The following PI4K2B variants were observed in gnomAD, a reference collection of about 807,000 sequenced individuals.
PI4K2B encodes phosphatidylinositol 4-kinase type 2 beta.
PI4K2B carries 46 observed loss-of-function variants against 56.6 expected under a neutral mutation model. The ratio of observed to expected loss-of-function variants is 0.81; its 90% CI spans 0.64 to 1.04. PI4K2B has a LOEUF of 1.04. Ranked by LOEUF, PI4K2B falls within the 50% of genes least tolerant of loss-of-function variation. The pLI is 0.00. For synonymous variants in PI4K2B, 211 were observed against 223.8 expected (o/e 0.94, Z 0.51); for missense variants, 556 against 607.7 (o/e 0.91, Z 0.89).
intron 3 of PI4K2B, among the ~76,000 whole-genome samples, chr4:25,255,968 G>C (rs1716249222): frequency 6.7e-6 from 1 of 149,744 alleles, no homozygotes; most frequent in African/African-American, 2.5e-5. Flanking sequence ...GCCCAGGCTG[G>C]AGTATAGGGA....
chr4:25,243,468 G>C (rs373220108), intron 1 of PI4K2B, among the ~76,000 whole-genome samples: 1 of 152,218 alleles, frequency 6.6e-6, no homozygotes, highest in Non-Finnish European at 1.5e-5. Context: ...TGAGGGCCAT[G>C]ACTAAGGCTG....
chr4:25,277,321 T>C lies in PI4K2B; in HGVS notation c.*134T>C. 9.2e-7 allele frequency: 1 copy of C among 1,086,086 alleles called. No individual in the cohort carries two copies. Among genetic ancestry groups the C allele is most frequent in the South Asian group, 2.8e-5 (1 of 35,562 alleles). 67.3% of individuals were successfully genotyped at this position (1,086,086 alleles called of 1,614,324 possible). On this transcript the variant is annotated 3_prime_UTR_variant, in exon 10 of 10. Transcript: ENST00000264864. ...AGTCTTTAAAAGGTTGTATTTTGAA[T>C]GTAACCAAAAGTTTACAGTTTTTTG...
At chr4:25,263,344 G>A (rs1288565868) in intron 6 of PI4K2B, among the ~76,000 whole-genome samples, 2 of 151,868 alleles carry the variant, frequency 1.3e-5, no homozygotes, top group African/African-American at 2.4e-5. Flanking sequence ...ATTTCTTTGG[G>A]ACCCTAAGAA....
In PI4K2B at chr4:25,253,341, A is replaced by T. The variant is rs1013139871; in HGVS notation, c.423+866A>T. On this transcript the variant is annotated intron_variant, in intron 2 of 9. Coordinates refer to ENST00000264864, the MANE Select transcript of PI4K2B (RefSeq NM_018323.4). ...CCACTTAGTCTAGAATTTTTCAAAA[A>T]TATGTTATTTTTTCTAAAAGCTTTC... Among the ~76,000 whole-genome samples the T allele has an allele frequency of 2.0e-5, 3 of 152,214 alleles. 1 individual carries two copies. In the South Asian group the frequency reaches 6.2e-4, roughly 32 times the overall value.
intron 2 of PI4K2B, among the ~76,000 whole-genome samples, chr4:25,253,527 A>G (rs933562065): frequency 6.6e-6 from 1 of 152,098 alleles, no homozygotes; most frequent in African/African-American, 2.4e-5. Flanking sequence ...CAATCTCTCA[A>G]TCTTTATTCT....
chr4:25,268,595 T>A lies in PI4K2B; in HGVS notation c.1212+19T>A, dbSNP rs778599082. On this transcript the variant is annotated intron_variant, in intron 8 of 9. Coordinates refer to ENST00000264864, the MANE Select transcript of PI4K2B (RefSeq NM_018323.4). Reference sequence around the variant, plus strand: ...TTTTAAGGTAAGTTAATGCTTAGTTTGATTATTGCAGAAAATGAAATCTTA... The same window carrying A: ...TTTTAAGGTAAGTTAATGCTTAGTTAGATTATTGCAGAAAATGAAATCTTA... 1 of 1,495,598 alleles carries A rather than the reference T, an allele frequency of 6.7e-7. No individual in the cohort carries two copies. The highest frequency in any genetic ancestry group is 1.3e-5 in the South Asian group (1 of 79,558). The allele number at this position is 1,495,598 out of a possible 1,614,324, so 92.6% of individuals were successfully genotyped here.
chr4:25,272,061 G>C (rs1447288430), intron 9 of PI4K2B, among the ~76,000 whole-genome samples: 1 of 151,530 alleles, frequency 6.6e-6, no homozygotes, highest in Non-Finnish European at 1.5e-5. Flanking sequence ...AGGATCACTT[G>C]AGCCCCAGAG....
intron 1 of PI4K2B, among the ~76,000 whole-genome samples, chr4:25,249,099 G>A (rs1235689562): frequency 2.0e-5 from 3 of 152,198 alleles, no homozygotes; most frequent in African/African-American, 7.2e-5. Context: ...AGTGGACACA[G>A]CACATGTTTC....
At position 25,259,107 on chromosome 4, in the gene PI4K2B, A is replaced by G. The variant is rs777853464; in HGVS notation, c.827A>G (p.Asp276Gly). 3 of 1,586,544 alleles carry G rather than the reference A, an allele frequency of 1.9e-6. No homozygotes were observed. Among genetic ancestry groups the G allele is most frequent in the Non-Finnish European group, 2.6e-6 (3 of 1,155,362 alleles). ...TATTGGCTTAGGAAATTTGAAGCTG[A>G]CCCTTTGCCTGAGAATATTAGAAAA... is the stretch of plus-strand genomic sequence containing the variant. ...AEYWLRKFEADPLPENIRKQF... is the reference protein window; with the variant it reads ...AEYWLRKFEAGPLPENIRKQF... Residue 276 changes from aspartate (D) to glycine (G), a missense_variant, in exon 5 of 10, where the codon GAC becomes GGC. Physicochemically the swap from Asp to Gly is moderately conservative, Grantham distance 94. Transcript: ENST00000264864.
intron 6 of PI4K2B, among the ~76,000 whole-genome samples, chr4:25,262,577 G>T (rs892381219): frequency 1.3e-5 from 2 of 152,016 alleles, no homozygotes; most frequent in African/African-American, 4.8e-5. Context: ...TTTTGTTATT[G>T]TATCTAGGCC....
rs112239745 is a variant in PI4K2B, at chr4:25,244,373, T to C, written c.269-7948T>C. ...TAAGCTGAGAAGTCCTCCTGTGGGA[T>C]GTAAGTTGTAAGCTTTGCATAGTTG... On this transcript the variant is annotated intron_variant, in intron 1 of 9. Transcript: ENST00000264864. Among the ~76,000 whole-genome samples, 83 of 152,286 alleles carry C rather than the reference T, an allele frequency of 5.5e-4. 1 individual carries two copies. Among genetic ancestry groups the C allele is most frequent in the African/African-American group, 1.9e-3 (77 of 41,556 alleles).
intron 1 of PI4K2B, among the ~76,000 whole-genome samples, chr4:25,237,272 G>T (rs183794049): frequency 6.6e-6 from 1 of 152,248 alleles, no homozygotes; most frequent in Middle Eastern, 3.4e-3. Context: ...GTTAATATGC[G>T]CTAGGCATAG....
chr4:25,246,888 G>A (rs1248925589), intron 1 of PI4K2B, among the ~76,000 whole-genome samples: 1 of 152,160 alleles, frequency 6.6e-6, no homozygotes, highest in South Asian at 2.1e-4. Flanking sequence ...GGGGCCTGGC[G>A]GGGCAGGCCG....
At chr4:25,239,728 C>T (rs1256395851) in intron 1 of PI4K2B, among the ~76,000 whole-genome samples, 4 of 152,310 alleles carry the variant, frequency 2.6e-5, no homozygotes, top group East Asian at 1.9e-4. Flanking sequence ...CCAGAGTGGG[C>T]GCCGAGGCCG....
At chr4:25,263,646 C>A in intron 6 of PI4K2B, 104 bp from the exon 7 acceptor site, 1 of 482,828 alleles carries the variant, frequency 2.1e-6, no homozygotes, top group Admixed American at 3.8e-5. Flanking sequence ...TAGGCTCATC[C>A]GAGAGAATAT....
intron 1 of PI4K2B, among the ~76,000 whole-genome samples, chr4:25,237,821 T>A (rs1287776627): frequency 6.6e-6 from 1 of 152,154 alleles, no homozygotes; most frequent in Non-Finnish European, 1.5e-5. Flanking sequence ...CAGGTTACAC[T>A]GAGTCCAGTG....
intron 1 of PI4K2B, among the ~76,000 whole-genome samples, chr4:25,246,469 A>G (rs1323068020): frequency 6.6e-6 from 1 of 152,218 alleles, no homozygotes; most frequent in African/African-American, 2.4e-5. Context: ...CTTGAGCTAG[A>G]TACAGAGTGC....
chr4:25,247,733 C>A (rs1358449921), intron 1 of PI4K2B, among the ~76,000 whole-genome samples: 1 of 151,930 alleles, frequency 6.6e-6, no homozygotes, highest in Non-Finnish European at 1.5e-5. Context: ...GAGACAGGGT[C>A]TTATTCTGAC....
At position 25,234,399 on chromosome 4, in the gene PI4K2B, C is replaced by A. The variant is rs1464314396; in HGVS notation, c.236C>A (p.Ala79Asp). ...GDVGVSRSSS[A>D]ELDRSRPAVS... is the part of the protein sequence containing the mutation. The stretch of plus-strand genomic sequence containing the variant: ...GTGGGGGTCTCCCGGAGTTCGTCCG[C>A]CGAGCTGGACCGGAGCCGCCCCGCG... The change falls in exon 1 of 10, where the codon GCC becomes GAC. Residue 79 changes from alanine to aspartate, a missense_variant. Transcript: ENST00000264864. The A allele has an allele frequency of 7.2e-7, 1 of 1,389,182 alleles. No homozygotes were observed. Among genetic ancestry groups the A allele is most frequent in the Non-Finnish European group, 9.3e-7 (1 of 1,070,324 alleles). The allele number at this position is 1,389,182 out of a possible 1,614,324, so 86.1% of individuals were successfully genotyped here.
Sources: allele counts gnomAD v4.1 joint callset (sites outside exome capture counted in the v4.1 genomes callset), GRCh38; gene constraint gnomAD v4.1.1; transcripts MANE v1.5; gene names NCBI Gene and HGNC (gene_info 2026-07-23, HGNC 2026-07-21).